The following TRABD2B variants were observed in gnomAD, a reference collection of about 807,000 sequenced individuals.
TRABD2B encodes TraB domain containing 2B.
A neutral mutation model predicts 40.1 loss-of-function variants in TRABD2B; 14 were observed. The ratio of observed to expected loss-of-function variants is 0.35; its 90% CI spans 0.23 to 0.55. The LOEUF (loss-of-function observed/expected upper bound fraction) is 0.55. Ranked by LOEUF, TRABD2B falls within the 20% of genes least tolerant of loss-of-function variation. TRABD2B has a pLI of 0.90. For synonymous variants in TRABD2B, 263 were observed against 277.0 expected (o/e 0.95, Z 0.50); for missense variants, 541 against 648.6 (o/e 0.83, Z 1.80).
At chr1:47,930,001 G>A (rs889061809) in intron 2 of TRABD2B, among the ~76,000 whole-genome samples, 2 of 152,154 alleles carry the variant, frequency 1.3e-5, no homozygotes, top group Non-Finnish European at 2.9e-5. Context: ...CCACCTCCCT[G>A]CTCCACATAC....
chr1:47,767,956 C>G (rs556069197), intron 6 of TRABD2B, among the ~76,000 whole-genome samples: 77 of 152,334 alleles, frequency 5.1e-4, no homozygotes, highest in African/African-American at 1.8e-3. Flanking sequence ...CCTGGCTCAG[C>G]TTCAGCTAGG....
At chr1:47,943,601 C>T (rs1570338040) in intron 2 of TRABD2B, among the ~76,000 whole-genome samples, 2 of 152,236 alleles carry the variant, frequency 1.3e-5, no homozygotes, top group East Asian at 1.9e-4. Flanking sequence ...CCCCCACTCA[C>T]GCTAGAACTT....
intron 2 of TRABD2B, among the ~76,000 whole-genome samples, chr1:47,919,806 C>T (rs1644878198): frequency 6.6e-6 from 1 of 152,134 alleles, no homozygotes; most frequent in South Asian, 2.1e-4. Flanking sequence ...CACTGCATGT[C>T]AAGTGCTCAG....
Position 47,829,049 on chromosome 1 carries a change from G to A in TRABD2B, c.667-27430C>T, listed in dbSNP as rs555671643. On this transcript the variant is annotated intron_variant, in intron 2 of 6. Transcript: ENST00000606738. ...TGAGCCTGTGATGTGGGGAGGGCAGGGAGGGTCATTACTGCTGAGGAAACT... is the reference window on the plus strand; with the variant it reads ...TGAGCCTGTGATGTGGGGAGGGCAGAGAGGGTCATTACTGCTGAGGAAACT... 7.2e-4 allele frequency among the ~76,000 whole-genome samples: 110 copies of A among 152,318 alleles called. 1 individual carries two copies. Among genetic ancestry groups the A allele is most frequent in the African/African-American group, 2.5e-3 (103 of 41,568 alleles).
intron 2 of TRABD2B, chr1:47,819,242 C>T (rs372750457): frequency 3.8e-4 from 58 of 152,414 alleles, no homozygotes; most frequent in African/African-American, 1.3e-3. Flanking sequence ...AGCACTTTTC[C>T]CTCCAGTCGC....
chr1:47,945,328 A>T lies in TRABD2B; in HGVS notation c.666+48706T>A, dbSNP rs554107537. 5.9e-5 allele frequency among the ~76,000 whole-genome samples: 9 copies of T among 152,136 alleles called. No individual in the cohort carries two copies. In the South Asian group the frequency reaches 1.9e-3, roughly 32 times the overall value. On this transcript the variant is annotated intron_variant, in intron 2 of 6. Coordinates refer to ENST00000606738, the MANE Select transcript of TRABD2B (RefSeq NM_001194986.2). The stretch of plus-strand genomic sequence containing the variant: ...TAGTCTAAGGGAAAGAGGCTTCAGG[A>T]AGGATTTTACCAGGTCCAACAAACA...
At chr1:47,943,757 A>AACACACACACAC (rs10554684) in intron 2 of TRABD2B, among the ~76,000 whole-genome samples, 3 of 146,722 alleles carry the variant, frequency 2.0e-5, no homozygotes, top group African/African-American at 2.5e-5. Flanking sequence ...GCATCCAGAA[A>AACACACACACAC]ACACACACAC....
intron 2 of TRABD2B, among the ~76,000 whole-genome samples, chr1:47,903,874 C>T (rs184279187): frequency 3.5e-4 from 53 of 152,242 alleles, no homozygotes; most frequent in Non-Finnish European, 2.4e-4. Context: ...TGGGGGCTCA[C>T]CAGGCCAGGC....
intron 2 of TRABD2B, among the ~76,000 whole-genome samples, chr1:47,926,072 A>G (rs1644964880): frequency 6.6e-6 from 1 of 152,204 alleles, no homozygotes; most frequent in Non-Finnish European, 1.5e-5. Flanking sequence ...AATCTAATTG[A>G]CTTTTACATG....
intron 2 of TRABD2B, among the ~76,000 whole-genome samples, chr1:47,882,622 A>G (rs946156321): frequency 6.6e-6 from 1 of 152,152 alleles, no homozygotes; most frequent in African/African-American, 2.4e-5. Flanking sequence ...GACAGCACCT[A>G]TGTGAGCAGA....
At chr1:47,814,262 G>T (rs1375118869) in intron 2 of TRABD2B, among the ~76,000 whole-genome samples, 6 of 152,250 alleles carry the variant, frequency 3.9e-5, no homozygotes, top group African/African-American at 1.4e-4. Flanking sequence ...ACCCAGAGCA[G>T]GGAGTCGAGG....
chr1:47,803,413 G>A (rs2124295400), intron 2 of TRABD2B, among the ~76,000 whole-genome samples: 1 of 152,300 alleles, frequency 6.6e-6, no homozygotes, highest in Non-Finnish European at 1.5e-5. Context: ...CCACTGCCCT[G>A]AGAACAATCC....
At chr1:47,856,709 G>A (rs1485908330) in intron 2 of TRABD2B, among the ~76,000 whole-genome samples, 1 of 152,214 alleles carries the variant, frequency 6.6e-6, no homozygotes, top group Non-Finnish European at 1.5e-5. Context: ...TTTTTCAAGA[G>A]CACAGTCTGG....
chr1:47,790,897 A>G (rs1644662427), intron 4 of TRABD2B, among the ~76,000 whole-genome samples: 1 of 152,230 alleles, frequency 6.6e-6, no homozygotes, highest in Admixed American at 6.5e-5. Context: ...GAACAATCCC[A>G]TGAGGCAGAT....
At chr1:47,976,798 T>A (rs963397651) in intron 2 of TRABD2B, among the ~76,000 whole-genome samples, 4 of 152,192 alleles carry the variant, frequency 2.6e-5, no homozygotes, top group African/African-American at 9.7e-5. Flanking sequence ...AATGAGTGTA[T>A]GAACTGAGGG....
chr1:47,996,925 G>A lies in TRABD2B; in HGVS notation c.-136C>T. 1 of 1,122,214 alleles carries A rather than the reference G, an allele frequency of 8.9e-7. No individual in the cohort carries two copies. The highest frequency in any genetic ancestry group is 1.1e-6 in the Non-Finnish European group (1 of 918,740). The allele number at this position is 1,122,214 out of a possible 1,614,324, so 69.5% of individuals were successfully genotyped here. A position where few individuals can be genotyped will look rare whatever the true frequency, so the allele number is the denominator to read the frequency against. ...CAGGATGCTGGGCGCCCTCTGGGGC[G>A]TGGCTGACTGTCCCTGTCGGACCTG... On this transcript the variant is annotated 5_prime_UTR_variant, in exon 1 of 7. It adds an upstream start codon to the 5' untranslated region. Transcript: ENST00000606738. This position sits in a 1 kb window ranked among gnomAD's most constrained non-coding sequence, Gnocchi z 4.6.
intron 2 of TRABD2B, among the ~76,000 whole-genome samples, chr1:47,880,768 T>G (rs939421589): frequency 6.6e-6 from 1 of 152,216 alleles, no homozygotes; most frequent in African/African-American, 2.4e-5. Flanking sequence ...GGGATCCAGT[T>G]AGCAGGCTTC....
rs558325296 is a variant in TRABD2B at position 47,946,792 on chromosome 1, C to A, written c.666+47242G>T. Among the ~76,000 whole-genome samples the A allele has an allele frequency of 3.6e-4, 55 of 152,288 alleles. No individual in the cohort carries two copies. In the South Asian group the frequency reaches 0.011, roughly 31 times the overall value. On this transcript the variant is annotated intron_variant, in intron 2 of 6. Transcript: ENST00000606738. ...GGAAGTGTTCCCTCCTCTACCCTCT[C>A]AAAATTTTATATTTTGTCCTTTCAC...
At chr1:47,854,907 C>A (rs1362197726) in intron 2 of TRABD2B, among the ~76,000 whole-genome samples, 1 of 152,142 alleles carries the variant, frequency 6.6e-6, no homozygotes, top group Non-Finnish European at 1.5e-5. Flanking sequence ...TTGGAGCTCA[C>A]ATTTTTCAAG....
Sources: allele counts gnomAD v4.1 joint callset (sites outside exome capture counted in the v4.1 genomes callset), GRCh38; gene constraint gnomAD v4.1.1; non-coding constraint Gnocchi (gnomAD v3.1); transcripts MANE v1.5; gene names NCBI Gene and HGNC (gene_info 2026-07-23, HGNC 2026-07-21).